The following ADAMTS20 variants were observed in gnomAD, a reference collection of about 807,000 sequenced individuals.
ADAMTS20 encodes A disintegrin and metalloproteinase with thrombospondin motifs 20.
Under a neutral mutation model 260.1 loss-of-function variants are expected in ADAMTS20, and 225 were observed. That is an observed-to-expected ratio of 0.87 (90% CI 0.78 to 0.97). ADAMTS20 has a LOEUF of 0.97. ADAMTS20 is among the 50% of genes least tolerant of loss of function. ADAMTS20 has a pLI of 0.00. For missense variants in ADAMTS20, 2,400 were observed against 2,337.7 expected (o/e 1.03, Z -0.55); for synonymous variants, 802 against 769.5 (o/e 1.04, Z -0.70).
At chr12:43,415,075 C>T (rs1283341125) in intron 28 of ADAMTS20, among the ~76,000 whole-genome samples, 6 of 152,060 alleles carry the variant, frequency 3.9e-5, no homozygotes, top group South Asian at 2.1e-4. Flanking sequence ...TTACACGCAA[C>T]GTAAATGAGT....
At chr12:43,427,251 A>G in intron 27 of ADAMTS20, 57 bp downstream of exon 27, 1 of 1,558,038 alleles carries the variant, frequency 6.4e-7, no homozygotes, top group Non-Finnish European at 8.7e-7. Flanking sequence ...GATGCTTTTT[A>G]CTTTCAGTCT....
chr12:43,529,830 C>G lies in ADAMTS20; in HGVS notation c.613+2206G>C, dbSNP rs1943196016. 2.0e-5 allele frequency among the ~76,000 whole-genome samples: 3 copies of G among 152,090 alleles called. No homozygotes were observed. In the South Asian group the frequency reaches 6.2e-4, roughly 32 times the overall value. ...AACTTTTAAGAAGAATATATAAAAC[C>G]TTCAAGTATTTCTAAACAACATGTG... On this transcript the variant is annotated intron_variant, in intron 3 of 38. Transcript: ENST00000389420.
At chr12:43,405,243 A>C (rs1312073027) in intron 28 of ADAMTS20, among the ~76,000 whole-genome samples, 52 of 136,194 alleles carry the variant, frequency 3.8e-4, no homozygotes, top group Admixed American at 3.2e-3. Flanking sequence ...AAAAAAAAAA[A>C]AAAAAAAAAA....
At chr12:43,495,484 A>C (rs188573385) in intron 4 of ADAMTS20, among the ~76,000 whole-genome samples, 1 of 152,348 alleles carries the variant, frequency 6.6e-6, no homozygotes, top group East Asian at 1.9e-4. Context: ...ATTGCTACTT[A>C]TAAAGCTTTT....
At chr12:43,404,277 C>CT in intron 28 of ADAMTS20, among the ~76,000 whole-genome samples, 1 of 151,818 alleles carries the variant, frequency 6.6e-6, no homozygotes, top group Admixed American at 6.6e-5. Flanking sequence ...CTCATTCTAC[C>CT]TTTCTTTTAC....
At chr12:43,526,617 T>C (rs562902732) in intron 3 of ADAMTS20, among the ~76,000 whole-genome samples, 3 of 152,174 alleles carry the variant, frequency 2.0e-5, no homozygotes, top group Non-Finnish European at 4.4e-5. Context: ...AAGATGGAAA[T>C]TCATAAACTA....
At chr12:43,398,522 T>C (rs1309712116) in intron 29 of ADAMTS20, among the ~76,000 whole-genome samples, 2 of 152,286 alleles carry the variant, frequency 1.3e-5, no homozygotes, top group Non-Finnish European at 1.5e-5. Context: ...TACAATCCCA[T>C]CTGGAATTTA....
chr12:43,460,341 T>C (rs567744010), intron 11 of ADAMTS20, among the ~76,000 whole-genome samples: 4 of 152,134 alleles, frequency 2.6e-5, no homozygotes, highest in Admixed American at 2.0e-4. Flanking sequence ...AAAAAATGCA[T>C]AAGATTGATA....
chr12:43,411,351 GTTGTTTGTTTGT>G (rs141577930), intron 28 of ADAMTS20, among the ~76,000 whole-genome samples: 11 of 151,728 alleles, frequency 7.2e-5, no homozygotes, highest in African/African-American at 1.7e-4. Context: ...AAAAGCATCT[GTTGTTTGTTTGT>G]TTGTTTGTTT....
chr12:43,396,241 T>C (rs1021339148), intron 29 of ADAMTS20, among the ~76,000 whole-genome samples: 20 of 152,156 alleles, frequency 1.3e-4, no homozygotes, highest in Non-Finnish European at 2.2e-4. Flanking sequence ...ATGAAGAGTG[T>C]TCCTTCAAAA....
intron 28 of ADAMTS20, among the ~76,000 whole-genome samples, chr12:43,407,070 T>G (rs1940932768): frequency 1.3e-5 from 2 of 152,048 alleles, no homozygotes; most frequent in African/African-American, 4.8e-5. Flanking sequence ...AAATGTCCTT[T>G]TTAACTTGTT....
intron 31 of ADAMTS20, among the ~76,000 whole-genome samples, chr12:43,382,842 G>A (rs1464562062): frequency 6.6e-6 from 1 of 152,016 alleles, no homozygotes; most frequent in South Asian, 2.1e-4. Flanking sequence ...AAACAGACTG[G>A]ATGGGGATCA....
intron 14 of ADAMTS20, among the ~76,000 whole-genome samples, chr12:43,449,183 G>T (rs1277656949): frequency 6.6e-6 from 1 of 152,028 alleles, no homozygotes; most frequent in African/African-American, 2.4e-5. Context: ...ACACATGCAG[G>T]TGTATGTTCA....
At position 43,380,302 on chromosome 12, in the gene ADAMTS20, G is replaced by C. The variant is rs534149037; in HGVS notation, c.4798-2740C>G. On this transcript the variant is annotated intron_variant, in intron 31 of 38. Coordinates refer to ENST00000389420, the MANE Select transcript of ADAMTS20 (RefSeq NM_025003.5). Reference sequence around the variant, plus strand: ...AAGGGTACTTCTTCAATCTGATAAAGGGAATCTACAGAAAATCCATAGTTA... The same window carrying C: ...AAGGGTACTTCTTCAATCTGATAAACGGAATCTACAGAAAATCCATAGTTA... Among the ~76,000 whole-genome samples the C allele has an allele frequency of 7.9e-5, 12 of 152,146 alleles. No homozygotes were observed. In the South Asian group the frequency reaches 1.0e-3, roughly 13 times the overall value.
At chr12:43,436,771 C>T (rs375560837) in intron 18 of ADAMTS20, among the ~76,000 whole-genome samples, 50 of 152,264 alleles carry the variant, frequency 3.3e-4, no homozygotes, top group African/African-American at 1.1e-3. Flanking sequence ...GCCCATTCAG[C>T]GCTCAATCTC....
chr12:43,446,540 G>T, intron 15 of ADAMTS20, 55 bp downstream of exon 15: 1 of 1,298,180 alleles, frequency 7.7e-7, no homozygotes, highest in Non-Finnish European at 1.1e-6. Flanking sequence ...CTTCTTTACA[G>T]ACTCCATTAT....
chr12:43,457,568 C>A (rs1941986916), intron 11 of ADAMTS20, among the ~76,000 whole-genome samples: 1 of 152,182 alleles, frequency 6.6e-6, no homozygotes, highest in Non-Finnish European at 1.5e-5. Flanking sequence ...CCTGCCTTCC[C>A]AACTCAAAAC....
At chr12:43,434,144 A>G (rs2137313179) in intron 19 of ADAMTS20, 101 bp downstream of exon 19, 1 of 1,229,954 alleles carries the variant, frequency 8.1e-7, no homozygotes, top group East Asian at 2.6e-5. Flanking sequence ...GCAGATGATG[A>G]GTAATAATTG....
At chr12:43,466,824 A>G in intron 8 of ADAMTS20, 29 bp from the exon 9 acceptor site, 3 of 1,513,626 alleles carry the variant, frequency 2.0e-6, no homozygotes, top group Non-Finnish European at 2.7e-6. Flanking sequence ...ACTTAAAAGG[A>G]ATATCAAAAG....
Sources: allele counts gnomAD v4.1 joint callset (sites outside exome capture counted in the v4.1 genomes callset), GRCh38; gene constraint gnomAD v4.1.1; transcripts MANE v1.5; gene names NCBI Gene and HGNC (gene_info 2026-07-23, HGNC 2026-07-21).